Variants in PCDH15 observed in about 807,000 individuals in gnomAD.
PCDH15 encodes protocadherin related 15.
In PCDH15, 129 loss-of-function variants were observed where a neutral mutation model predicts 178.5. The ratio of observed to expected loss-of-function variants is 0.72; its 90% CI spans 0.63 to 0.84. The LOEUF (loss-of-function observed/expected upper bound fraction) is 0.84. PCDH15 is among the 40% of genes least tolerant of loss of function. PCDH15 has a pLI of 0.00. For missense variants in PCDH15, 2,230 were observed against 2,099.9 expected (o/e 1.06, Z -1.21); for synonymous variants, 800 against 732.0 (o/e 1.09, Z -1.50).
chr10:54,623,332 A>C (rs1358059024), intron 2 of PCDH15, among the ~76,000 whole-genome samples: 1 of 152,096 alleles, frequency 6.6e-6, no homozygotes, highest in Non-Finnish European at 1.5e-5. Flanking sequence ...CACAACCAAA[A>C]ACAAAAGTCA....
At chr10:55,113,230 T>C (rs2252615) in intron 2 of PCDH15, among the ~76,000 whole-genome samples, 11,082 of 152,220 alleles carry the variant, frequency 0.073, 1,248 homozygotes, top group African/African-American at 0.24. Context: ...GGAATTATTA[T>C]AGATAACTAT....
chr10:54,546,019 A>C (rs1257737670), intron 2 of PCDH15, among the ~76,000 whole-genome samples: 1 of 152,230 alleles, frequency 6.6e-6, no homozygotes, highest in Admixed American at 6.5e-5. Flanking sequence ...CTTTGGGGGC[A>C]GCTGTGGTAG....
intron 3 of PCDH15, among the ~76,000 whole-genome samples, chr10:54,412,797 C>T (rs1396983132): frequency 8.5e-5 from 13 of 152,182 alleles, no homozygotes; most frequent in African/African-American, 1.9e-4. Context: ...CCCCGGCTCA[C>T]TGCAATCTCC....
chr10:54,736,891 G>A (rs958311979), intron 1 of PCDH15, among the ~76,000 whole-genome samples: 1 of 152,060 alleles, frequency 6.6e-6, no homozygotes, highest in African/African-American at 2.4e-5. Flanking sequence ...ATGGCATCAG[G>A]TATAACGAAT....
intron 13 of PCDH15, among the ~76,000 whole-genome samples, chr10:54,174,708 T>TTTC (rs1564605532): frequency 8.2e-6 from 1 of 122,104 alleles, no homozygotes; most frequent in Non-Finnish European, 1.7e-5. Context: ...TTTTCTTTTT[T>TTTC]TTTTTTTTTT....
chr10:54,929,165 G>T (rs566582084), intron 2 of PCDH15, among the ~76,000 whole-genome samples: 1 of 152,246 alleles, frequency 6.6e-6, no homozygotes, highest in East Asian at 1.9e-4. Context: ...CAATTGAATG[G>T]CTTTCTTTCT....
intron 2 of PCDH15, among the ~76,000 whole-genome samples, chr10:55,382,767 T>C (rs1837568211): frequency 1.3e-5 from 2 of 152,136 alleles, no homozygotes; most frequent in Middle Eastern, 3.2e-3. Flanking sequence ...GGGAGAGAGT[T>C]CCTTGACCCC....
chr10:55,120,157 G>A (rs1837729430), intron 2 of PCDH15, among the ~76,000 whole-genome samples: 1 of 151,924 alleles, frequency 6.6e-6, no homozygotes, highest in African/African-American at 2.4e-5. Flanking sequence ...CAGTTGTGGA[G>A]GTGAATTAAA....
intron 1 of PCDH15, among the ~76,000 whole-genome samples, chr10:54,776,437 T>TAA (rs60354820): frequency 0.017 from 2,510 of 145,332 alleles, 79 homozygotes; most frequent in African/African-American, 0.06. Flanking sequence ...ACCATACAAT[T>TAA]AAAAAAAAAA....
At chr10:55,532,049 GA>G (rs1381877662) in intron 2 of PCDH15, among the ~76,000 whole-genome samples, 1 of 151,776 alleles carries the variant, frequency 6.6e-6, no homozygotes, top group Non-Finnish European at 1.5e-5. Context: ...GAAATTTAAT[GA>G]ATAAAATATC....
At chr10:55,222,747 A>ATATATG (rs1259228342) in intron 1 of PCDH15, among the ~76,000 whole-genome samples, 2 of 138,404 alleles carry the variant, frequency 1.4e-5, no homozygotes, top group Admixed American at 7.3e-5. Flanking sequence ...ATATATATAT[A>ATATATG]TATATATATA....
chr10:55,452,183 A>C (rs1482201092), intron 2 of PCDH15, among the ~76,000 whole-genome samples: 1 of 152,174 alleles, frequency 6.6e-6, no homozygotes, highest in Non-Finnish European at 1.5e-5. Flanking sequence ...AAAAATGATT[A>C]CATACCTATT....
At chr10:54,622,955 T>C (rs974915586) in intron 2 of PCDH15, among the ~76,000 whole-genome samples, 19 of 150,406 alleles carry the variant, frequency 1.3e-4, no homozygotes, top group African/African-American at 4.6e-4. Flanking sequence ...GCACCTTGCC[T>C]ACTAATGTCA....
intron 13 of PCDH15, among the ~76,000 whole-genome samples, chr10:54,164,044 G>A (rs2045970146): frequency 6.6e-6 from 1 of 152,100 alleles, no homozygotes; most frequent in Admixed American, 6.5e-5. Context: ...AAGAATCAAT[G>A]CATTGCTTTA....
intron 3 of PCDH15, among the ~76,000 whole-genome samples, chr10:54,854,563 G>C (rs114907005): frequency 1.3e-3 from 192 of 152,238 alleles, no homozygotes; most frequent in African/African-American, 4.3e-3. Context: ...TGAGTGTTCA[G>C]CTCCTAGGAG....
At position 54,103,229 on chromosome 10, in the gene PCDH15, G is replaced by T. The variant is rs187370413; in HGVS notation, c.1918-13166C>A. Reference sequence around the variant, plus strand: ...GAAGTTTTCTGCTTAAATTAAGTAGGAATGCAGTAGGCTTCCTATTAATTT... The same window carrying T: ...GAAGTTTTCTGCTTAAATTAAGTAGTAATGCAGTAGGCTTCCTATTAATTT... On this transcript the variant is annotated intron_variant, in intron 15 of 37. Transcript: ENST00000644397. Among the ~76,000 whole-genome samples, 285 of 152,212 alleles carry T rather than the reference G, an allele frequency of 1.9e-3. 2 individuals are homozygous for T. Among genetic ancestry groups the T allele is most frequent in the African/African-American group, 6.2e-3 (257 of 41,538 alleles).
chr10:53,922,875 C>T (rs946792922), intron 25 of PCDH15, among the ~76,000 whole-genome samples: 3 of 151,972 alleles, frequency 2.0e-5, no homozygotes, highest in African/African-American at 4.8e-5. Flanking sequence ...ATCACGAGGT[C>T]GGGAGATCGA....
chr10:54,458,136 A>T (rs1446414911), intron 3 of PCDH15, among the ~76,000 whole-genome samples: 2 of 152,130 alleles, frequency 1.3e-5, no homozygotes, highest in African/African-American at 2.4e-5. Context: ...AAAGTTGAAG[A>T]TTCTGTTCTA....
chr10:54,592,703 G>A (rs11004397), intron 2 of PCDH15, among the ~76,000 whole-genome samples: 2,859 of 152,202 alleles, frequency 0.019, 95 homozygotes, highest in African/African-American at 0.065. Context: ...TTTGAATAAA[G>A]ACTCAGAAGT....
Sources: gnomAD v4.1 joint callset for allele counts (sites outside exome capture counted in the v4.1 genomes callset) on GRCh38, gnomAD v4.1.1 for gene constraint, MANE v1.5 for transcripts, NCBI Gene and HGNC (gene_info 2026-07-23, HGNC 2026-07-21) for gene names.